DMD: variants seen among roughly 807,000 people sequenced by gnomAD.
DMD encodes dystrophin, also known as mutant dystrophin.
Under a neutral mutation model 330.1 loss-of-function variants are expected in DMD, and 63 were observed. That is an observed-to-expected ratio of 0.19 (90% confidence interval 0.16 to 0.24). DMD has a LOEUF of 0.24. Among genes scored for constraint, DMD ranks in the 10% least tolerant of loss-of-function variants. The pLI, the probability that DMD is intolerant of heterozygous loss-of-function variation, is 1.00. For synonymous variants in DMD, 1,223 were observed against 959.8 expected (o/e 1.27, Z -5.07); for missense variants, 3,344 against 2,684.1 (o/e 1.25, Z -5.43).
At chrX:31,311,398 G>A (rs774782758) in intron 62 of DMD, among the ~76,000 whole-genome samples, 1 of 111,973 alleles carries the variant, frequency 8.9e-6, no homozygotes, top group Admixed American at 9.4e-5. Context: ...CACATTCCAT[G>A]ACATTTATTA....
intron 7 of DMD, among the ~76,000 whole-genome samples, chrX:32,775,199 G>A (rs1334577956): frequency 1.8e-5 from 2 of 112,696 alleles, no homozygotes; most frequent in East Asian, 5.6e-4. Flanking sequence ...GCTCTGCAGA[G>A]CACAGCCCCC....
chrX:31,897,670 C>T (rs1238480849), intron 47 of DMD, among the ~76,000 whole-genome samples: 1 of 89,439 alleles, frequency 1.1e-5, no homozygotes, highest in Non-Finnish European at 2.2e-5. Context: ...TCTCTGATGG[C>T]CAGTGATGGT....
chrX:31,648,586 T>A (rs2080236988), intron 54 of DMD, among the ~76,000 whole-genome samples: 1 of 74,107 alleles, frequency 1.3e-5, no homozygotes, highest in Non-Finnish European at 2.3e-5. Context: ...AAGGATGATA[T>A]CAGGTTTCCC....
intron 44 of DMD, among the ~76,000 whole-genome samples, chrX:32,095,840 C>T (rs1569542214): frequency 9.0e-6 from 1 of 111,378 alleles, no homozygotes; most frequent in South Asian, 3.8e-4. Flanking sequence ...ATGAATTAAG[C>T]ACATATACCA....
chrX:33,278,851 A>C (rs1356184840), intron 1 of DMD, among the ~76,000 whole-genome samples: 1 of 111,707 alleles, frequency 9.0e-6, no homozygotes, highest in Non-Finnish European at 1.9e-5. Context: ...TAAAGGGTGT[A>C]ATTCAACAAG....
In DMD at chrX:32,706,313, A is replaced by G. The variant is rs1225779825; in HGVS notation, c.650-7020T>C. On this transcript the variant is annotated intron_variant, in intron 7 of 78. Transcript: ENST00000357033. Reference sequence around the variant, plus strand: ...ACGAGTTAATGGGTGCAGCACACCAACATGGCACATGTATACATATGTAAC... The same window carrying G: ...ACGAGTTAATGGGTGCAGCACACCAGCATGGCACATGTATACATATGTAAC... 8.7e-4 allele frequency among the ~76,000 whole-genome samples: 94 copies of G among 107,992 alleles called. 1 individual carries two copies. The highest frequency in any genetic ancestry group is 3.1e-3 in the African/African-American group (91 of 29,710). The allele number at this position is 107,992 out of a possible 115,157, so 93.8% of individuals were successfully genotyped here.
In DMD at chrX:33,207,578, C is replaced by G. The variant is rs1001447817; in HGVS notation, c.31+3704G>C. Among the ~76,000 whole-genome samples the G allele has an allele frequency of 2.7e-5, 3 of 110,598 alleles. No individual in the cohort carries two copies. The Admixed American group carries it at 2.9e-4, about 11-fold the overall frequency. The stretch of plus-strand genomic sequence containing the variant: ...TTTTGCAAGGATTTTAGGGACAATT[C>G]TATAAGTGACATAAATAGAAAAAAC... On this transcript the variant is annotated intron_variant, in intron 1 of 78. Transcript: ENST00000357033.
At chrX:31,398,339 G>A (rs1191914908) in intron 60 of DMD, among the ~76,000 whole-genome samples, 1 of 112,487 alleles carries the variant, frequency 8.9e-6, no homozygotes, top group Non-Finnish European at 1.9e-5. Flanking sequence ...TCCAGGCATA[G>A]AAAGAGTATT....
chrX:33,237,178 CCCCTTCCTCCCTCCTTCCCT>C (rs1323459525), intron 1 of DMD, among the ~76,000 whole-genome samples: 1 of 93,047 alleles, frequency 1.1e-5, no homozygotes, highest in African/African-American at 3.9e-5. Flanking sequence ...CTCCCTCCCT[CCCCTTCCTCCCTCCTTCCCT>C]CCCTTCCTCC....
At chrX:33,207,868 T>A (rs181760914) in intron 1 of DMD, among the ~76,000 whole-genome samples, 1 of 111,333 alleles carries the variant, frequency 9.0e-6, no homozygotes, top group African/African-American at 3.3e-5. Context: ...TGAAACCTGG[T>A]TGCATTTAAT....
chrX:32,321,665 A>G (rs2097615939), intron 41 of DMD, among the ~76,000 whole-genome samples: 1 of 112,030 alleles, frequency 8.9e-6, no homozygotes, highest in African/African-American at 3.2e-5. Flanking sequence ...GATCAAAACA[A>G]CAACAACAAC....
At chrX:32,685,846 A>T (rs1239670537) in intron 9 of DMD, among the ~76,000 whole-genome samples, 1 of 111,989 alleles carries the variant, frequency 8.9e-6, no homozygotes, top group African/African-American at 3.2e-5. Context: ...GCATTCTCAT[A>T]ATTTAAAAAA....
chrX:32,573,517 A>G lies in DMD; in HGVS notation c.1812+13T>C. 8.4e-7 allele frequency: 1 copy of G among 1,188,490 alleles called. No homozygotes were observed. The highest frequency in any genetic ancestry group is 1.1e-6 in the Non-Finnish European group (1 of 874,533). On this transcript the variant is annotated intron_variant, in intron 15 of 78. Transcript: ENST00000357033. ...GGTTTTTATAAGACCATTGAAAGCT[A>G]GAAAGTACATACGGCCAGTTTTTGA...
intron 47 of DMD, among the ~76,000 whole-genome samples, chrX:31,890,777 A>G (rs2094236989): frequency 9.0e-6 from 1 of 111,729 alleles, no homozygotes; most frequent in East Asian, 2.8e-4. Context: ...TCCAAAACTC[A>G]TTCTCTAAAA....
chrX:32,158,257 G>T (rs922123025), intron 44 of DMD, among the ~76,000 whole-genome samples: 1 of 111,547 alleles, frequency 9.0e-6, no homozygotes, highest in Non-Finnish European at 1.9e-5. Context: ...TACAAGCCAG[G>T]TGTGGTGGCT....
At chrX:32,558,902 A>C (rs1489921925) in intron 16 of DMD, among the ~76,000 whole-genome samples, 8 of 93,782 alleles carry the variant, frequency 8.5e-5, no homozygotes, top group Admixed American at 7.9e-4. Context: ...GATACAGTTA[A>C]TTTCCAAAGT....
chrX:32,592,176 A>C (rs1228610114), intron 13 of DMD, among the ~76,000 whole-genome samples: 1 of 111,240 alleles, frequency 9.0e-6, no homozygotes, highest in Non-Finnish European at 1.9e-5. Flanking sequence ...ATCCACAGAG[A>C]AACCCCTCCT....
chrX:31,344,045 G>C (rs1488438532), intron 61 of DMD, among the ~76,000 whole-genome samples: 2 of 93,372 alleles, frequency 2.1e-5, no homozygotes, highest in Non-Finnish European at 2.3e-5. Context: ...TGCGGGGGGG[G>C]GTGGATTATG....
At chrX:31,146,073 GTCT>G (rs907475916) in intron 76 of DMD, among the ~76,000 whole-genome samples, 8 of 112,476 alleles carry the variant, frequency 7.1e-5, no homozygotes, top group Non-Finnish European at 1.5e-4. Context: ...CTCCTAACTG[GTCT>G]TCTCACCTAT....
Sources: gnomAD v4.1 joint callset for allele counts (sites outside exome capture counted in the v4.1 genomes callset) on GRCh38, gnomAD v4.1.1 for gene constraint, MANE v1.5 for transcripts, NCBI Gene and HGNC (gene_info 2026-07-23, HGNC 2026-07-21) for gene names.